The following CSGALNACT1 variants were observed in gnomAD, a reference collection of about 807,000 sequenced individuals.
The protein encoded by CSGALNACT1 is beta4GalNAcT-1.
Under a neutral mutation model 51.0 loss-of-function variants are expected in CSGALNACT1, and 52 were observed. The ratio of observed to expected loss-of-function variants is 1.02; its 90% CI spans 0.82 to 1.29. The LOEUF (loss-of-function observed/expected upper bound fraction) is 1.29. Ranked by LOEUF, CSGALNACT1 falls within the 50% of genes most tolerant of loss-of-function variation. The pLI is 0.00. For missense variants in CSGALNACT1, 935 were observed against 679.2 expected (o/e 1.38, Z -4.19); for synonymous variants, 341 against 254.4 (o/e 1.34, Z -3.24).
At chr8:19,484,052 C>A (rs1015933413) in intron 4 of CSGALNACT1, among the ~76,000 whole-genome samples, 1 of 152,138 alleles carries the variant, frequency 6.6e-6, no homozygotes, top group African/African-American at 2.4e-5. Flanking sequence ...GACACTATCC[C>A]CCAAACAGCC....
upstream of CSGALNACT1, chr8:19,602,721 A>G (rs543837678): frequency 9.2e-5 from 14 of 152,340 alleles, no homozygotes; most frequent in East Asian, 1.5e-3. Flanking sequence ...AGGAATATCA[A>G]TGGAGGAAAC....
At chr8:19,711,972 C>T (rs569736308) in intron 1 of CSGALNACT1, among the ~76,000 whole-genome samples, 12 of 152,304 alleles carry the variant, frequency 7.9e-5, no homozygotes, top group African/African-American at 2.9e-4. Flanking sequence ...GGAAGCAGCA[C>T]GCCCAGCATC....
intron 3 of CSGALNACT1, among the ~76,000 whole-genome samples, chr8:19,527,672 C>T (rs17128565): frequency 0.16 from 24,440 of 152,106 alleles, 1,983 homozygotes; most frequent in Middle Eastern, 0.21. Context: ...GGCTTGGAAG[C>T]GACATTACGC....
exon 5 of CSGALNACT1, chr8:19,458,599 G>A (rs1244765227): frequency 3.1e-6 from 5 of 1,614,052 alleles, no homozygotes; most frequent in South Asian, 1.1e-5. Flanking sequence ...CTTTGAAGGT[G>A]AGCTCATACA....
At position 19,449,503 on chromosome 8, in the gene CSGALNACT1, A is replaced by G. The variant is rs117378881; in HGVS notation, c.851+8923T>C. 9.2e-5 allele frequency among the ~76,000 whole-genome samples: 14 copies of G among 152,292 alleles called. No individual in the cohort carries two copies. In the East Asian group the frequency reaches 2.1e-3, roughly 23 times the overall value. On this transcript the variant is annotated intron_variant, in intron 5 of 9. Transcript: ENST00000454498. Reference sequence around the variant, plus strand: ...TTCTGTCATATATACCAGCCTCACTATAACATTCCAGGCTCATTTCAATTT... The same window carrying G: ...TTCTGTCATATATACCAGCCTCACTGTAACATTCCAGGCTCATTTCAATTT...
intron 5 of CSGALNACT1, among the ~76,000 whole-genome samples, chr8:19,445,312 G>A (rs2061941148): frequency 6.6e-6 from 1 of 152,164 alleles, no homozygotes. Context: ...TGCATGCAGT[G>A]GGAAAAATCC....
At chr8:19,510,099 A>T (rs751605601) in intron 3 of CSGALNACT1, among the ~76,000 whole-genome samples, 1 of 152,120 alleles carries the variant, frequency 6.6e-6, no homozygotes. Flanking sequence ...GTTTCTTGAC[A>T]CTGCCATTTT....
At position 19,577,371 on chromosome 8, in the gene CSGALNACT1, C is replaced by T. The variant is rs966543362; in HGVS notation, c.-297+13789G>A. Among the ~76,000 whole-genome samples, 4 of 147,526 alleles carry T rather than the reference C, an allele frequency of 2.7e-5. No homozygotes were observed. In the South Asian group the frequency reaches 8.7e-4, roughly 32 times the overall value. On this transcript the variant is annotated intron_variant, in intron 3 of 9. Transcript: ENST00000454498. ...TGAGGCCAGGGGTTTGAGAGCAGCA[C>T]CTAGACAACGAAGCCCGACCCCACC... is the stretch of plus-strand genomic sequence containing the variant.
chr8:19,615,284 C>G (rs999118080), intron 1 of CSGALNACT1, among the ~76,000 whole-genome samples: 7 of 152,158 alleles, frequency 4.6e-5, no homozygotes, highest in African/African-American at 1.7e-4. Flanking sequence ...GCCTGGGGGA[C>G]AAAGTGAGAC....
intron 3 of CSGALNACT1, among the ~76,000 whole-genome samples, chr8:19,560,426 G>C (rs1020393535): frequency 3.3e-5 from 5 of 152,100 alleles, no homozygotes; most frequent in Non-Finnish European, 5.9e-5. Flanking sequence ...TGTTTATTAA[G>C]AACCACCATA....
chr8:19,755,728 G>A (rs754196782), intron 1 of CSGALNACT1, among the ~76,000 whole-genome samples: 2 of 152,112 alleles, frequency 1.3e-5, no homozygotes, highest in Non-Finnish European at 2.9e-5. Flanking sequence ...TAATGTAAAC[G>A]GATGAATCCA....
intron 4 of CSGALNACT1, among the ~76,000 whole-genome samples, chr8:19,498,363 TA>T (rs1381828366): frequency 6.6e-6 from 1 of 152,152 alleles, no homozygotes; most frequent in East Asian, 1.9e-4. Context: ...GGAGGCTGAT[TA>T]AAAAACTTCC....
At chr8:19,458,538 G>A (rs2064638387) in exon 5 of CSGALNACT1, 1 of 1,614,136 alleles carries the variant, frequency 6.2e-7, no homozygotes. Flanking sequence ...TTCATGATGG[G>A]GCCGAATGGT....
chr8:19,539,786 C>T (rs2084659822), intron 3 of CSGALNACT1, among the ~76,000 whole-genome samples: 1 of 152,170 alleles, frequency 6.6e-6, no homozygotes, highest in African/African-American at 2.4e-5. Context: ...CACCCCCTTC[C>T]AGAGGCGATG....
chr8:19,407,259 T>C (rs2153661101), intron 9 of CSGALNACT1, among the ~76,000 whole-genome samples: 1 of 152,216 alleles, frequency 6.6e-6, no homozygotes, highest in East Asian at 1.9e-4. Flanking sequence ...ATGTCATCTC[T>C]GAACAAAACA....
intron 1 of CSGALNACT1, among the ~76,000 whole-genome samples, chr8:19,674,896 A>G (rs2060063503): frequency 6.6e-6 from 1 of 152,194 alleles, no homozygotes; most frequent in Non-Finnish European, 1.5e-5. Context: ...GGGGTCATGG[A>G]TGAATCCAGA....
Position 19,630,194 on chromosome 8 carries a change from C to CTGTGTGTG in CSGALNACT1, c.-543-28337_-543-28330dup, listed in dbSNP as rs55947851. Among the ~76,000 whole-genome samples, 323 of 137,886 alleles carry CTGTGTGTG rather than the reference C, an allele frequency of 2.3e-3. 2 individuals carry two copies. Among genetic ancestry groups the CTGTGTGTG allele is most frequent in the African/African-American group, 6.7e-3 (248 of 36,894 alleles). 90.5% of individuals were successfully genotyped at this position (137,886 alleles called of 152,430 possible). A position where few individuals can be genotyped will look rare whatever the true frequency, so the allele number is the denominator to read the frequency against. On this transcript the variant is annotated intron_variant, in intron 1 of 9. Coordinates refer to the CSGALNACT1 transcript ENST00000332246. ...ATTAGCCATCCAAGTTCCCACGTCT[C>CTGTGTGTG]TGTGTGTGTGTGTGTGTGTGTGTGT...
rs2061734389 is a variant in CSGALNACT1, at chr8:19,699,204, T to C, written c.-297+58646A>G. Among the ~76,000 whole-genome samples the C allele has an allele frequency of 2.6e-5, 4 of 152,164 alleles. No individual in the cohort carries two copies. The South Asian group carries it at 8.3e-4, about 32-fold the overall frequency. On this transcript the variant is annotated intron_variant, in intron 1 of 1. Coordinates refer to the CSGALNACT1 transcript ENST00000517494. ...TTATTTTTAGTTTTTTAATGACTCA[T>C]TGCTATTTTTCTTGTTTTATTTTTT... is the stretch of plus-strand genomic sequence containing the variant.
At position 19,667,069 on chromosome 8, in the gene CSGALNACT1, A is replaced by G. The variant is rs539040777; in HGVS notation, c.-544+15404T>C. The stretch of plus-strand genomic sequence containing the variant: ...AAAGAAAGAAAGAAAGAAAGAAAGA[A>G]AGAAAGAAAGAAAGAAAGAAAGAAA... On this transcript the variant is annotated intron_variant, in intron 1 of 9. Transcript: ENST00000332246. Among the ~76,000 whole-genome samples the G allele has an allele frequency of 9.5e-3, 1,207 of 127,462 alleles. 246 individuals are homozygous for G. Among genetic ancestry groups the G allele is most frequent in the African/African-American group, 0.032 (1,159 of 36,022 alleles). 83.6% of individuals were successfully genotyped at this position (127,462 alleles called of 152,430 possible). A position where few individuals can be genotyped will look rare whatever the true frequency, so the allele number is the denominator to read the frequency against.
Sources: allele counts gnomAD v4.1 joint callset (sites outside exome capture counted in the v4.1 genomes callset), GRCh38; gene constraint gnomAD v4.1.1; transcripts MANE v1.5; gene names NCBI Gene and HGNC (gene_info 2026-07-23, HGNC 2026-07-21).